Variants in LIM2 observed in about 807,000 individuals in gnomAD.
The protein encoded by LIM2 is lens fiber membrane intrinsic protein.
A neutral mutation model predicts 19.0 loss-of-function variants in LIM2; 14 were observed. The ratio of observed to expected loss-of-function variants is 0.74; its 90% CI spans 0.49 to 1.15. The LOEUF (loss-of-function observed/expected upper bound fraction) is 1.15, where lower values mean the gene tolerates loss of function less well. Ranked by LOEUF, LIM2 falls within the 50% of genes most tolerant of loss-of-function variation. The probability of loss-of-function intolerance (pLI) is 0.00; values close to 1 mark genes in which losing one functional copy is unlikely to be tolerated. For synonymous variants in LIM2, 78 were observed against 89.6 expected, an observed-to-expected ratio of 0.87 and a Z score of 0.73; for missense variants, 230 against 243.5, an observed-to-expected ratio of 0.94 and a Z score of 0.37.
chr19:51,381,808 C>T (rs1599861133), intron 3 of LIM2, among the ~76,000 whole-genome samples: 1 of 152,206 alleles, frequency 6.6e-6, no homozygotes, highest in African/African-American at 2.4e-5. Flanking sequence ...TCACTGCAAG[C>T]TCCGCCTCCT....
intron 2 of LIM2, among the ~76,000 whole-genome samples, chr19:51,386,195 C>T (rs1293621924): frequency 6.6e-6 from 1 of 151,062 alleles, no homozygotes; most frequent in African/African-American, 2.4e-5. Context: ...GCCATCTGGG[C>T]CCACTGCAGT....
chr19:51,386,680 G>A (rs1176609419), intron 2 of LIM2, among the ~76,000 whole-genome samples: 1 of 145,620 alleles, frequency 6.9e-6, no homozygotes, highest in Non-Finnish European at 1.5e-5. Context: ...ATATAATAGA[G>A]GTGCATGTAT....
intron 2 of LIM2, among the ~76,000 whole-genome samples, chr19:51,384,717 C>A (rs1262906965): frequency 6.6e-6 from 1 of 152,154 alleles, no homozygotes; most frequent in East Asian, 1.9e-4. Flanking sequence ...TTCAAGCCAC[C>A]CAGTCTGTGG....
rs560634559 is a variant in LIM2 at position 51,384,672 on chromosome 19, G to A, written c.176-2105C>T. The stretch of plus-strand genomic sequence containing the variant: ...CTGATTTTGCCCACATCTTCATCTC[G>A]GCCTCCAGAACTGTGAGACAACACG... On this transcript the variant is annotated intron_variant, in intron 2 of 4. Transcript: ENST00000596399. Among the ~76,000 whole-genome samples the A allele has an allele frequency of 1.8e-4, 27 of 152,120 alleles. No individual in the cohort carries two copies. In the South Asian group the frequency reaches 3.7e-3, roughly 21 times the overall value.
chr19:51,383,012 CTT>C (rs112812484), intron 2 of LIM2, among the ~76,000 whole-genome samples: 1 of 128,300 alleles, frequency 7.8e-6, no homozygotes, highest in Non-Finnish European at 1.7e-5. Flanking sequence ...TCTCACATTT[CTT>C]TTTTTTTCTT....
intron 2 of LIM2, among the ~76,000 whole-genome samples, chr19:51,384,417 C>T (rs1188657950): frequency 2.6e-5 from 4 of 152,028 alleles, no homozygotes; most frequent in East Asian, 1.9e-4. Context: ...GGTGGCAGAG[C>T]GAGACTCCAA....
At chr19:51,387,774 G>A in intron 1 of LIM2, 145 bp downstream of exon 1, 1 of 401,618 alleles carries the variant, frequency 2.5e-6, no homozygotes, top group South Asian at 2.5e-5. Flanking sequence ...AAGGGGCCCA[G>A]GAGCCTGGAT....
intron 2 of LIM2, chr19:51,387,053 C>T: frequency 3.5e-6 from 3 of 855,272 alleles, no homozygotes; most frequent in Non-Finnish European, 5.9e-6. Context: ...TGCCACCTCT[C>T]CCAACTTAAC....
chr19:51,382,527 G>C lies in LIM2; in HGVS notation c.216C>G (p.Ala72=), dbSNP rs1555761333. ...NATRAFMILS[A]LCAISGIIMG... ...TGATGATGCCGGAGATGGCGCATAGGGCAGACAGGATCATGAAGGCCCGGG... is the reference window on the plus strand; with the variant it reads ...TGATGATGCCGGAGATGGCGCATAGCGCAGACAGGATCATGAAGGCCCGGG... The change falls in exon 3 of 5, where the codon GCC becomes GCG. Residue 72 remains alanine (A), a synonymous_variant. Transcript: ENST00000596399. 3 of 1,613,882 alleles carry C rather than the reference G, an allele frequency of 1.9e-6. No individual in the cohort carries two copies. Among genetic ancestry groups the C allele is most frequent in the East Asian group, 4.5e-5 (2 of 44,884 alleles).
At chr19:51,383,027 C>CTTTTTTTTTTTTTTTTTT (rs1163859181) in intron 2 of LIM2, among the ~76,000 whole-genome samples, 8 of 88,300 alleles carry the variant, frequency 9.1e-5, no homozygotes, top group African/African-American at 1.8e-4. Context: ...TTTTTCTTTT[C>CTTTTTTTTTTTTTTTTTT]TTTTTTTTTT....
rs12976442 is a variant in LIM2 at position 51,386,932 on chromosome 19, G to A, written c.175+337C>T. On this transcript the variant is annotated intron_variant, in intron 2 of 4. Transcript: ENST00000596399. ...CTTTATGCAGTATTTAGCAAATTCA[G>A]TATCCACCAGTACCTAACATAGTTC... Among the ~76,000 whole-genome samples the A allele has an allele frequency of 0.11, 17,141 of 152,170 alleles. 1,467 individuals carry two copies. The highest frequency in any genetic ancestry group is 0.24 in the African/African-American group (9,960 of 41,484).
intron 3 of LIM2, among the ~76,000 whole-genome samples, chr19:51,381,297 T>A (rs1327702605): frequency 6.6e-6 from 1 of 152,044 alleles, no homozygotes; most frequent in African/African-American, 2.4e-5. Context: ...CACTCCAGCC[T>A]GGGTGACAGA....
chr19:51,380,146 C>T lies in LIM2; in HGVS notation c.*55G>A. The T allele has an allele frequency of 1.9e-6, 3 of 1,541,408 alleles. No homozygotes were observed. Among genetic ancestry groups the T allele is most frequent in the Non-Finnish European group, 2.7e-6 (3 of 1,117,666 alleles). On this transcript the variant is annotated 3_prime_UTR_variant, in exon 5 of 5. Coordinates refer to ENST00000596399, the MANE Select transcript of LIM2 (RefSeq NM_001161748.2). ...TTTCAGGCCTCTAGACCCTCCTCCT[C>T]CTCTTCAGTGGCCTCACTTTAACTT...
At chr19:51,384,366 G>T (rs1038784480) in intron 2 of LIM2, among the ~76,000 whole-genome samples, 6 of 152,166 alleles carry the variant, frequency 3.9e-5, no homozygotes, top group African/African-American at 1.4e-4. Flanking sequence ...GGGAGGTGGA[G>T]GTTGCAGTGA....
rs748687283 is a variant in LIM2 at position 51,382,470 on chromosome 19, G to A, written c.273C>T (p.Thr91=). The part of the protein sequence containing the change: ...MGIMAFAHQP[T]FSRISRPFSA... ...AGAAGGGCCGGGAGATGCGGGAGAA[G>A]GTAGGCTGATGAGCGAAGGCCATGA... Residue 91 remains threonine (T), a synonymous_variant, in exon 3 of 5, where the codon ACC becomes ACT. Transcript: ENST00000596399. The A allele has an allele frequency of 6.2e-7, 1 of 1,614,026 alleles. No homozygotes were observed. The highest frequency in any genetic ancestry group is 1.1e-5 in the South Asian group (1 of 91,080).
chr19:51,383,000 T>A (rs1986937731), intron 2 of LIM2, among the ~76,000 whole-genome samples: 1 of 151,086 alleles, frequency 6.6e-6, no homozygotes, highest in Admixed American at 6.6e-5. Flanking sequence ...ATTACTATTC[T>A]CTCTCACATT....
At chr19:51,383,942 T>G (rs1986965663) in intron 2 of LIM2, among the ~76,000 whole-genome samples, 1 of 152,198 alleles carries the variant, frequency 6.6e-6, no homozygotes, top group Admixed American at 6.5e-5. Context: ...TTCTGCCTTG[T>G]AGAAGCCTCG....
intron 2 of LIM2, among the ~76,000 whole-genome samples, chr19:51,384,721 T>G (rs1260311807): frequency 6.6e-6 from 1 of 152,146 alleles, no homozygotes; most frequent in Non-Finnish European, 1.5e-5. Flanking sequence ...AGCCACCCAG[T>G]CTGTGGGGCT....
At chr19:51,387,552 GAGA>G in intron 1 of LIM2, 103 bp from the exon 2 acceptor site, 1 of 1,529,734 alleles carries the variant, frequency 6.5e-7, no homozygotes, top group Non-Finnish European at 8.9e-7. Context: ...AAGTGCTTGG[GAGA>G]AGGAGATGGA....
Sources: allele counts gnomAD v4.1 joint callset (sites outside exome capture counted in the v4.1 genomes callset), GRCh38; gene constraint gnomAD v4.1.1; transcripts MANE v1.5; gene names NCBI Gene and HGNC (gene_info 2026-07-23, HGNC 2026-07-21).